Variants in DLG2 observed in about 807,000 individuals in gnomAD.
DLG2 encodes discs large MAGUK scaffold protein 2.
In DLG2, 45 loss-of-function variants were observed where a neutral mutation model predicts 132.5. The observed-to-expected ratio is 0.34, with a 90% CI of 0.27 to 0.44. The LOEUF is 0.44. Among genes scored for constraint, DLG2 ranks in the 20% least tolerant of loss-of-function variants. The probability of loss-of-function intolerance (pLI) is 1.00; values close to 1 mark genes in which losing one functional copy is unlikely to be tolerated. For missense variants in DLG2, 1,045 were observed against 1,196.9 expected (o/e 0.87, Z 1.87); for synonymous variants, 424 against 419.6 (o/e 1.01, Z -0.13).
intron 6 of DLG2, among the ~76,000 whole-genome samples, chr11:84,860,717 G>A (rs531305161): frequency 1.2e-4 from 18 of 152,112 alleles, no homozygotes; most frequent in African/African-American, 3.9e-4. Flanking sequence ...CAGTTTACTG[G>A]CACTTGGCAA....
At chr11:84,154,520 T>G (rs949110523) in intron 9 of DLG2, among the ~76,000 whole-genome samples, 1 of 152,128 alleles carries the variant, frequency 6.6e-6, no homozygotes, top group African/African-American at 2.4e-5. Flanking sequence ...TTTTAATACT[T>G]TAAGTTCTAG....
At chr11:85,263,638 C>T (rs1474148923) in intron 4 of DLG2, among the ~76,000 whole-genome samples, 2 of 152,198 alleles carry the variant, frequency 1.3e-5, no homozygotes, top group African/African-American at 4.8e-5. Flanking sequence ...AAACTCTAAA[C>T]TCTCACCCTA....
chr11:84,844,414 G>A (rs183006208), intron 6 of DLG2, among the ~76,000 whole-genome samples: 210 of 151,582 alleles, frequency 1.4e-3, no homozygotes, highest in African/African-American at 4.9e-3. Context: ...ATGAGAGGAC[G>A]GTCCCCTCCC....
chr11:83,810,900 A>T lies in DLG2; in HGVS notation c.1722+22714T>A, dbSNP rs527803410. Among the ~76,000 whole-genome samples, 11 of 152,136 alleles carry T rather than the reference A, an allele frequency of 7.2e-5. No individual in the cohort carries two copies. In the South Asian group the frequency reaches 2.3e-3, roughly 32 times the overall value. On this transcript the variant is annotated intron_variant, in intron 17 of 27. Transcript: ENST00000376104. ...ATAAGATGATCTCCTACTTTATAGA[A>T]TTTTTTCTCAAAGACCTAACTGTAG... is the stretch of plus-strand genomic sequence containing the variant.
At chr11:85,237,928 G>T (rs2075672094) in intron 4 of DLG2, among the ~76,000 whole-genome samples, 1 of 152,000 alleles carries the variant, frequency 6.6e-6, no homozygotes, top group Non-Finnish European at 1.5e-5. Flanking sequence ...GTCCTAATTA[G>T]AAACTTGATT....
intron 6 of DLG2, among the ~76,000 whole-genome samples, chr11:84,578,171 C>G (rs914087051): frequency 2.0e-5 from 3 of 152,104 alleles, no homozygotes; most frequent in African/African-American, 7.2e-5. Context: ...ATGGACGGGG[C>G]CCTCATAGAG....
intron 7 of DLG2, among the ~76,000 whole-genome samples, chr11:84,482,987 C>T (rs1352213337): frequency 6.6e-6 from 1 of 152,096 alleles, no homozygotes; most frequent in Non-Finnish European, 1.5e-5. Context: ...ACTGTTCAAA[C>T]ATTAGGCCAG....
At chr11:84,681,826 T>TA (rs1555163151) in intron 6 of DLG2, among the ~76,000 whole-genome samples, 1 of 150,180 alleles carries the variant, frequency 6.7e-6, no homozygotes, top group Non-Finnish European at 1.5e-5. Flanking sequence ...TGAACCTTAT[T>TA]GAAAAAAAAA....
At chr11:83,867,567 T>C (rs990348442) in intron 16 of DLG2, among the ~76,000 whole-genome samples, 1 of 152,174 alleles carries the variant, frequency 6.6e-6, no homozygotes, top group Non-Finnish European at 1.5e-5. Context: ...ATAACGTCTA[T>C]ACAAGTATTT....
chr11:84,251,293 TG>T lies in DLG2; in HGVS notation c.520-3del. On this transcript the variant is annotated splice_polypyrimidine_tract_variant and splice_region_variant and intron_variant, in intron 7 of 27. Transcript: ENST00000376104. ...GACAATTATAGGAGCAGGACTGGCC[TG>T]AAAAAAGAAATAGAAAAAAAATTAA... 2 of 1,575,702 alleles carry T rather than the reference TG, an allele frequency of 1.3e-6. No homozygotes were observed. The highest frequency in any genetic ancestry group is 1.7e-6 in the Non-Finnish European group (2 of 1,165,308).
intron 15 of DLG2, among the ~76,000 whole-genome samples, chr11:83,911,607 G>C (rs1462870364): frequency 6.6e-6 from 1 of 151,998 alleles, no homozygotes; most frequent in Non-Finnish European, 1.5e-5. Flanking sequence ...GTTACTGCTA[G>C]CTTCTGTTGC....
At chr11:84,682,724 T>C (rs1269622307) in intron 6 of DLG2, among the ~76,000 whole-genome samples, 1 of 152,146 alleles carries the variant, frequency 6.6e-6, no homozygotes, top group Non-Finnish European at 1.5e-5. Context: ...AGTTTTAGGA[T>C]TAATCTAATC....
At chr11:85,184,586 C>T (rs2079962828) in intron 4 of DLG2, among the ~76,000 whole-genome samples, 2 of 151,770 alleles carry the variant, frequency 1.3e-5, no homozygotes, top group Admixed American at 1.3e-4. Context: ...CCATTTCCCT[C>T]ATTTGGTACA....
chr11:85,361,596 T>C lies in DLG2; in HGVS notation c.41-76231A>G, dbSNP rs565536575. Among the ~76,000 whole-genome samples the C allele has an allele frequency of 2.0e-5, 3 of 152,344 alleles. No individual in the cohort carries two copies. The South Asian group carries it at 6.2e-4, about 32-fold the overall frequency. On this transcript the variant is annotated intron_variant, in intron 3 of 27. Coordinates refer to ENST00000376104, the MANE Select transcript of DLG2 (RefSeq NM_001142699.3). ...TTCTGAGTTATTTCAGTCAGGATCA[T>C]GGCCTCCAGTTCCATCCTTGTTGCT...
At chr11:84,032,402 C>T (rs1004027694) in intron 11 of DLG2, among the ~76,000 whole-genome samples, 1 of 152,130 alleles carries the variant, frequency 6.6e-6, no homozygotes, top group Non-Finnish European at 1.5e-5. Context: ...ACTAGCCACA[C>T]CAGTCTCTTA....
chr11:83,657,392 T>A, intron 18 of DLG2, among the ~76,000 whole-genome samples: 1 of 152,214 alleles, frequency 6.6e-6, no homozygotes, highest in East Asian at 1.9e-4. Context: ...ATCCCACTTC[T>A]GGCACTAACA....
chr11:85,306,652 G>A (rs536319100), intron 3 of DLG2, among the ~76,000 whole-genome samples: 1 of 152,202 alleles, frequency 6.6e-6, no homozygotes, highest in South Asian at 2.1e-4. Flanking sequence ...CTCACTGCAA[G>A]CTCCACCTCC....
At chr11:83,671,649 A>C (rs1227797862) in intron 18 of DLG2, among the ~76,000 whole-genome samples, 1 of 152,226 alleles carries the variant, frequency 6.6e-6, no homozygotes, top group African/African-American at 2.4e-5. Flanking sequence ...TCAATAAATA[A>C]ATAATGCTTA....
intron 6 of DLG2, among the ~76,000 whole-genome samples, chr11:84,929,006 A>C (rs1277622980): frequency 7.7e-6 from 1 of 129,820 alleles, no homozygotes. Context: ...ATATATATAT[A>C]TATATATATA....
Sources: allele counts gnomAD v4.1 joint callset (sites outside exome capture counted in the v4.1 genomes callset), GRCh38; gene constraint gnomAD v4.1.1; transcripts MANE v1.5; gene names NCBI Gene and HGNC (gene_info 2026-07-23, HGNC 2026-07-21).